ABTB2: variants seen among roughly 807,000 people sequenced by gnomAD.
ABTB2 encodes the protein ankyrin repeat and BTB/POZ domain-containing protein 2.
Under a neutral mutation model 104.1 loss-of-function variants are expected in ABTB2, and 56 were observed. The observed-to-expected ratio is 0.54, with a 90% CI of 0.43 to 0.67. The LOEUF (loss-of-function observed/expected upper bound fraction) is 0.67. ABTB2 is among the 30% of genes least tolerant of loss of function. ABTB2 has a pLI of 0.00. For synonymous variants in ABTB2, 606 were observed against 608.2 expected (o/e 1.00, Z 0.05); for missense variants, 1,279 against 1,407.7 (o/e 0.91, Z 1.46).
At chr11:34,302,259 A>G (rs1318749074) in intron 1 of ABTB2, among the ~76,000 whole-genome samples, 3 of 152,240 alleles carry the variant, frequency 2.0e-5, no homozygotes, top group Non-Finnish European at 4.4e-5. Flanking sequence ...TCAAAGATGT[A>G]ATGTTTAATG....
Position 34,160,955 on chromosome 11 carries a change from T to G in ABTB2, c.2345A>C (p.Glu782Ala). 1 of 1,613,396 alleles carries G rather than the reference T, an allele frequency of 6.2e-7. No individual in the cohort carries two copies. Residue 782 changes from glutamate (E) to alanine (A), a missense_variant, in exon 11 of 17, where the codon GAG becomes GCG. Transcript: ENST00000435224. ...SSIREEEYNEELVTEGLQLMF... is the reference protein window; with the variant it reads ...SSIREEEYNEALVTEGLQLMF... ...GAGCTGCAAGCCCTCGGTCACCAGC[T>G]CCTCGTTGTACTCCTCCTCTCTGAT...
chr11:34,166,752 A>C (rs559967398), intron 7 of ABTB2, among the ~76,000 whole-genome samples: 1 of 152,338 alleles, frequency 6.6e-6, no homozygotes, highest in East Asian at 1.9e-4. Context: ...CCACGCCAGC[A>C]CAGCTACCTG....
chr11:34,302,548 C>T (rs1854719419), intron 1 of ABTB2, among the ~76,000 whole-genome samples: 1 of 152,218 alleles, frequency 6.6e-6, no homozygotes, highest in South Asian at 2.1e-4. Flanking sequence ...AGAAACACTG[C>T]CAAGACCTGA....
At chr11:34,231,205 C>T (rs2926465) in intron 1 of ABTB2, among the ~76,000 whole-genome samples, 105,068 of 151,698 alleles carry the variant, frequency 0.69, 36,441 homozygotes, top group Middle Eastern at 0.8. Context: ...CGGGCAAAGC[C>T]GGAACAATTT....
intron 1 of ABTB2, among the ~76,000 whole-genome samples, chr11:34,262,041 G>A (rs1258032041): frequency 6.6e-6 from 1 of 152,154 alleles, no homozygotes; most frequent in African/African-American, 2.4e-5. Context: ...CACCCAACAA[G>A]AAAACAACAC....
chr11:34,159,882 A>C lies in ABTB2; in HGVS notation c.2606+24T>G, dbSNP rs1246910609. 3 of 1,573,884 alleles carry C rather than the reference A, an allele frequency of 1.9e-6. No individual in the cohort carries two copies. The African/African-American group carries it at 4.1e-5, about 21-fold the overall frequency. ...GGTGCTTCTGTGCCCCTGGGCTGGG[A>C]GTTTGTTATCTGAGGCTGCCTACCT... is the stretch of plus-strand genomic sequence containing the variant. On this transcript the variant is annotated intron_variant, in intron 13 of 16. Coordinates refer to ENST00000435224, the MANE Select transcript of ABTB2 (RefSeq NM_145804.3).
At chr11:34,264,740 G>C (rs1371832867) in intron 1 of ABTB2, among the ~76,000 whole-genome samples, 1 of 152,190 alleles carries the variant, frequency 6.6e-6, no homozygotes, top group African/African-American at 2.4e-5. Context: ...TAAACTGTTC[G>C]AAGCGTGTCC....
intron 3 of ABTB2, among the ~76,000 whole-genome samples, chr11:34,195,088 T>TGGG (rs1565137708): frequency 9.0e-5 from 3 of 33,252 alleles, no homozygotes; most frequent in Non-Finnish European, 1.5e-4. Flanking sequence ...GGGGGGGGAG[T>TGGG]GGGGGCGGGA....
rs16925413 is a variant in ABTB2 at position 34,306,901 on chromosome 11, C to T, written c.883+49800G>A. Among the ~76,000 whole-genome samples, 1,133 of 149,874 alleles carry T rather than the reference C, an allele frequency of 7.6e-3. 12 individuals are homozygous for T. Among genetic ancestry groups the T allele is most frequent in the African/African-American group, 0.024 (957 of 40,650 alleles). On this transcript the variant is annotated intron_variant, in intron 1 of 16. Coordinates refer to ENST00000435224, the MANE Select transcript of ABTB2 (RefSeq NM_145804.3). Reference sequence around the variant, plus strand: ...TCAGCACATAGCAGGTACTTAAAGACGCCTCTGGACTGAAGTGAAGCTTGC... The same window carrying T: ...TCAGCACATAGCAGGTACTTAAAGATGCCTCTGGACTGAAGTGAAGCTTGC...
In ABTB2 at chr11:34,152,535, T is replaced by C; in HGVS notation, c.2930A>G (p.Lys977Arg). Reference sequence around the variant, plus strand: ...CTGCTCCAGTAGGGCCTTCATGTGCTTGAGGAAGAAGCCCTCACAGAACAG... The same window carrying C: ...CTGCTCCAGTAGGGCCTTCATGTGCCTGAGGAAGAAGCCCTCACAGAACAG... Reference protein sequence around the residue: ...LALFCEGFFLKHMKALLEQDA... With the variant: ...LALFCEGFFLRHMKALLEQDA... The change falls in exon 17 of 17, where the codon AAG becomes AGG. Residue 977 changes from lysine (K) to arginine (R), a missense_variant. Lys to Arg is a conservative substitution (Grantham distance 26). Coordinates refer to ENST00000435224, the MANE Select transcript of ABTB2 (RefSeq NM_145804.3). The C allele has an allele frequency of 6.2e-7, 1 of 1,612,718 alleles. No individual in the cohort carries two copies. Among genetic ancestry groups the C allele is most frequent in the Non-Finnish European group, 8.5e-7 (1 of 1,179,762 alleles).
chr11:34,305,787 A>G (rs747465117), intron 1 of ABTB2, among the ~76,000 whole-genome samples: 7 of 152,234 alleles, frequency 4.6e-5, no homozygotes, highest in Non-Finnish European at 8.8e-5. Context: ...ACCAATTGTT[A>G]ACATCTTTTA....
At position 34,174,027 on chromosome 11, in the gene ABTB2, G is replaced by A. The variant is rs780568351; in HGVS notation, c.1245-720C>T. Among the ~76,000 whole-genome samples the A allele has an allele frequency of 9.9e-5, 15 of 152,162 alleles. 1 individual carries two copies. In the South Asian group the frequency reaches 1.0e-3, roughly 11 times the overall value. ...TGCCAGGCCAGGTTGCCCCCAGTTTGGTGCTCAGAAAAGAGTAGTGGCCTC... is the reference window on the plus strand; with the variant it reads ...TGCCAGGCCAGGTTGCCCCCAGTTTAGTGCTCAGAAAAGAGTAGTGGCCTC... On this transcript the variant is annotated intron_variant, in intron 3 of 16. Transcript: ENST00000435224.
At chr11:34,183,261 C>T (rs945236340) in intron 3 of ABTB2, among the ~76,000 whole-genome samples, 4 of 152,264 alleles carry the variant, frequency 2.6e-5, no homozygotes, top group African/African-American at 4.8e-5. Flanking sequence ...CCACCAGACT[C>T]GGCTAAGTTT....
chr11:34,223,476 G>A (rs1369668872), intron 1 of ABTB2, among the ~76,000 whole-genome samples: 1 of 152,128 alleles, frequency 6.6e-6, no homozygotes, highest in Non-Finnish European at 1.5e-5. Context: ...ATCATCATTA[G>A]GAGCGTAGGC....
chr11:34,167,419 G>T, intron 6 of ABTB2, 59 bp from the exon 7 acceptor site: 1 of 1,416,796 alleles, frequency 7.1e-7, no homozygotes, highest in Non-Finnish European at 9.8e-7. Context: ...GGAGTACCCT[G>T]CAGGGATGGT....
intron 4 of ABTB2, among the ~76,000 whole-genome samples, 196 bp from the exon 5 acceptor site, chr11:34,171,267 A>T (rs1286317762): frequency 6.6e-6 from 1 of 152,154 alleles, no homozygotes; most frequent in Non-Finnish European, 1.5e-5. Flanking sequence ...CTGCTTTTCT[A>T]TAAGTACATT....
intron 1 of ABTB2, among the ~76,000 whole-genome samples, chr11:34,304,252 A>G (rs1443694321): frequency 6.6e-6 from 1 of 152,162 alleles, no homozygotes; most frequent in Non-Finnish European, 1.5e-5. Flanking sequence ...CTGTGGATAA[A>G]AGATTATTGT....
At chr11:34,164,107 A>ATCCAGCCCTGCTTT (rs1554980063) in intron 9 of ABTB2, among the ~76,000 whole-genome samples, 7 of 150,714 alleles carry the variant, frequency 4.6e-5, no homozygotes, top group South Asian at 2.1e-4. Context: ...AGCCCTGCTT[A>ATCCAGCCCTGCTTT]TCCAGCCCCG....
Position 34,154,822 on chromosome 11 carries a change from T to C in ABTB2, c.2698-53A>G. 1 of 1,592,130 alleles carries C rather than the reference T, an allele frequency of 6.3e-7. No individual in the cohort carries two copies. Among genetic ancestry groups the C allele is most frequent in the Non-Finnish European group, 8.6e-7 (1 of 1,161,426 alleles). ...GCCACGTGAACCTGAGGCATGAAAG[T>C]CCTTGCCAGCCCCACAGGGTACTGC... On this transcript the variant is annotated intron_variant, in intron 14 of 16. Transcript: ENST00000435224. This position sits in a 1 kb window ranked among gnomAD's most constrained non-coding sequence, Gnocchi z 4.9.
Sources: allele counts gnomAD v4.1 joint callset (sites outside exome capture counted in the v4.1 genomes callset), GRCh38; gene constraint gnomAD v4.1.1; non-coding constraint Gnocchi (gnomAD v3.1); transcripts MANE v1.5; gene names NCBI Gene and HGNC (gene_info 2026-07-23, HGNC 2026-07-21).